Variants in MAMDC2 observed in about 807,000 individuals in gnomAD.
The protein encoded by MAMDC2 is MAM domain containing 2.
In MAMDC2, 57 loss-of-function variants were observed where a neutral mutation model predicts 89.8. That is an observed-to-expected ratio of 0.63 (90% CI 0.51 to 0.79). The LOEUF (loss-of-function observed/expected upper bound fraction) is 0.79, where lower values mean the gene tolerates loss of function less well. Among genes scored for constraint, MAMDC2 ranks in the 30% least tolerant of loss-of-function variants. The pLI, the probability that MAMDC2 is intolerant of heterozygous loss-of-function variation, is 0.00. For synonymous variants in MAMDC2, 313 were observed against 293.4 expected (o/e 1.07, Z -0.68); for missense variants, 800 against 820.6 (o/e 0.97, Z 0.31).
Position 70,113,111 on chromosome 9 carries a change from C to G in MAMDC2, c.622C>G (p.His208Asp). 1 of 1,614,026 alleles carries G rather than the reference C, an allele frequency of 6.2e-7. No homozygotes were observed. The change falls in exon 5 of 14, where the codon CAC becomes GAC. Residue 208 changes from histidine (H) to aspartate (D), a missense_variant. By Grantham distance (81) the His-to-Asp change is moderately conservative (BLOSUM62 -1). Coordinates refer to ENST00000377182, the MANE Select transcript of MAMDC2 (RefSeq NM_153267.5). ...RNVHSILPQD[H>D]TFKSELGHYM... ...TGTCCACTCCATTCTCCCACAGGAT[C>G]ACACCTTCAAGAGTGAACTGGGTGA...
At chr9:70,109,843 CTT>C (rs772244342) in intron 4 of MAMDC2, 39 bp downstream of exon 4, 12 of 1,547,092 alleles carry the variant, frequency 7.8e-6, no homozygotes, top group Non-Finnish European at 9.8e-6. Context: ...AATTGTGAAT[CTT>C]TTTCTAAAAG....
At chr9:70,194,806 T>C (rs1463684708) in intron 11 of MAMDC2, among the ~76,000 whole-genome samples, 1 of 152,142 alleles carries the variant, frequency 6.6e-6, no homozygotes, top group African/African-American at 2.4e-5. Context: ...GTTTTGTCAT[T>C]TGTGCTTTTA....
intron 9 of MAMDC2, among the ~76,000 whole-genome samples, chr9:70,159,263 T>C (rs2031876681): frequency 6.6e-6 from 1 of 152,172 alleles, no homozygotes; most frequent in South Asian, 2.1e-4. Context: ...CATAAGGAAA[T>C]AATCATGGTT....
chr9:70,218,252 C>G lies in MAMDC2; in HGVS notation c.1652-85C>G, dbSNP rs1246547043. 8 of 1,440,340 alleles carry G rather than the reference C, an allele frequency of 5.6e-6. No homozygotes were observed. In the East Asian group the frequency reaches 1.8e-4, roughly 33 times the overall value. The allele number at this position is 1,440,340 out of a possible 1,614,324, so 89.2% of individuals were successfully genotyped here. On this transcript the variant is annotated intron_variant, in intron 11 of 13. Coordinates refer to ENST00000377182, the MANE Select transcript of MAMDC2 (RefSeq NM_153267.5). Reference sequence around the variant, plus strand: ...AGTACTTTTAGTCAGATCATCTTGACTTGACACTCTGAAAGAACATTATGA... The same window carrying G: ...AGTACTTTTAGTCAGATCATCTTGAGTTGACACTCTGAAAGAACATTATGA...
At chr9:70,057,648 C>CTAGT (rs1464107817) in intron 2 of MAMDC2, among the ~76,000 whole-genome samples, 4 of 152,130 alleles carry the variant, frequency 2.6e-5, no homozygotes, top group African/African-American at 9.7e-5. Context: ...CAATATTAGC[C>CTAGT]TAGTAGTCTA....
At chr9:70,145,401 G>C (rs1382598275) in intron 9 of MAMDC2, among the ~76,000 whole-genome samples, 1 of 152,202 alleles carries the variant, frequency 6.6e-6, no homozygotes, top group Non-Finnish European at 1.5e-5. Context: ...TCATCTTATA[G>C]ATGGACTCTT....
chr9:70,113,326 T>G (rs1180287177), intron 5 of MAMDC2, among the ~76,000 whole-genome samples, 194 bp downstream of exon 5: 7 of 152,340 alleles, frequency 4.6e-5, no homozygotes, highest in African/African-American at 1.4e-4. Flanking sequence ...AGAGACAAAC[T>G]GCAGCTGTGA....
At chr9:70,225,480 T>C (rs2033626774) in intron 12 of MAMDC2, among the ~76,000 whole-genome samples, 1 of 152,150 alleles carries the variant, frequency 6.6e-6, no homozygotes, top group Non-Finnish European at 1.5e-5. Context: ...GAAGCATTTC[T>C]AGGCAAGCAT....
chr9:70,169,129 TTTG>T (rs1245302438), intron 10 of MAMDC2, among the ~76,000 whole-genome samples: 1 of 152,220 alleles, frequency 6.6e-6, no homozygotes, highest in African/African-American at 2.4e-5. Flanking sequence ...TACTGTTGTT[TTTG>T]TTATCTTACA....
intron 11 of MAMDC2, among the ~76,000 whole-genome samples, chr9:70,198,603 T>C (rs887703977): frequency 6.6e-6 from 1 of 152,120 alleles, no homozygotes; most frequent in Non-Finnish European, 1.5e-5. Flanking sequence ...TCTCTCTCCC[T>C]GATCCTACTA....
chr9:70,071,255 C>T lies in MAMDC2; in HGVS notation c.148+26558C>T, dbSNP rs546634030. On this transcript the variant is annotated intron_variant, in intron 2 of 13. Transcript: ENST00000377182. ...AAACTCGAGAGTAGTACTTGATTTACGTAAGATGTCATAGTTTCCTTTCAC... is the reference window on the plus strand; with the variant it reads ...AAACTCGAGAGTAGTACTTGATTTATGTAAGATGTCATAGTTTCCTTTCAC... Among the ~76,000 whole-genome samples, 11 of 152,226 alleles carry T rather than the reference C, an allele frequency of 7.2e-5. No individual in the cohort carries two copies. In the South Asian group the frequency reaches 1.7e-3, roughly 23 times the overall value.
intron 2 of MAMDC2, among the ~76,000 whole-genome samples, chr9:70,105,388 T>G (rs756936661): frequency 6.6e-6 from 1 of 152,092 alleles, no homozygotes; most frequent in Non-Finnish European, 1.5e-5. Flanking sequence ...TTTAGAAAAT[T>G]AGTCTTGAAG....
intron 11 of MAMDC2, among the ~76,000 whole-genome samples, chr9:70,211,359 A>C (rs957052726): frequency 5.9e-5 from 9 of 151,862 alleles, no homozygotes; most frequent in African/African-American, 1.5e-4. Flanking sequence ...GTCTCTTCTC[A>C]CTTCATTTCA....
intron 11 of MAMDC2, among the ~76,000 whole-genome samples, chr9:70,195,713 A>T (rs2032963102): frequency 6.6e-6 from 1 of 152,040 alleles, no homozygotes; most frequent in Non-Finnish European, 1.5e-5. Context: ...TTCTGGTACC[A>T]CAGTGCTTGT....
chr9:70,059,174 C>A (rs1042283562), intron 2 of MAMDC2, among the ~76,000 whole-genome samples: 2 of 152,288 alleles, frequency 1.3e-5, no homozygotes, highest in Middle Eastern at 3.4e-3. Flanking sequence ...GGAAACACCA[C>A]AGAAGCCTGA....
At position 70,100,021 on chromosome 9, in the gene MAMDC2, A is replaced by AGAGAGAGAGAGAGAGC. The variant is rs1316783544; in HGVS notation, c.149-8187_149-8186insAGAGAGAGAGAGCGAG. On this transcript the variant is annotated intron_variant, in intron 2 of 13. Coordinates refer to ENST00000377182, the MANE Select transcript of MAMDC2 (RefSeq NM_153267.5). ...GAGAGAGAGAGAGAGAGAGAGAGAG[A>AGAGAGAGAGAGAGAGC]GAGCACAAGCACAATGGGCAGCAGG... Among the ~76,000 whole-genome samples the AGAGAGAGAGAGAGAGC allele has an allele frequency of 2.6e-4, 37 of 144,504 alleles. No individual in the cohort carries two copies. The East Asian group carries it at 6.7e-3, about 26-fold the overall frequency. The allele number at this position is 144,504 out of a possible 152,430, so 94.8% of individuals were successfully genotyped here.
intron 9 of MAMDC2, among the ~76,000 whole-genome samples, chr9:70,162,835 G>A (rs893930550): frequency 6.6e-6 from 1 of 150,744 alleles, no homozygotes; most frequent in Non-Finnish European, 1.5e-5. Context: ...CCTAGGGGCA[G>A]TCTGACCCCT....
intron 2 of MAMDC2, among the ~76,000 whole-genome samples, chr9:70,084,610 G>A (rs141258875): frequency 9.9e-5 from 15 of 151,976 alleles, no homozygotes; most frequent in Non-Finnish European, 1.9e-4. Flanking sequence ...CCTTTCCTAG[G>A]TTAATTTTAT....
intron 2 of MAMDC2, among the ~76,000 whole-genome samples, chr9:70,045,148 G>T (rs905804107): frequency 6.6e-6 from 1 of 152,230 alleles, no homozygotes; most frequent in Non-Finnish European, 1.5e-5. Context: ...GTGATGGGAC[G>T]TCAGTGCTAA....
Sources: gnomAD v4.1 joint callset for allele counts (sites outside exome capture counted in the v4.1 genomes callset) on GRCh38, gnomAD v4.1.1 for gene constraint, MANE v1.5 for transcripts, NCBI Gene and HGNC (gene_info 2026-07-23, HGNC 2026-07-21) for gene names.